Variants in NRXN3 observed in about 807,000 individuals in gnomAD.
NRXN3 encodes the protein neurexin 3.
Under a neutral mutation model 137.6 loss-of-function variants are expected in NRXN3, and 32 were observed. That is an observed-to-expected ratio of 0.23 (90% CI 0.18 to 0.31). NRXN3 has a LOEUF of 0.31. Among genes scored for constraint, NRXN3 ranks in the 10% least tolerant of loss-of-function variants. The pLI is 1.00. For missense variants in NRXN3, 1,574 were observed against 2,062.5 expected (o/e 0.76, Z 4.59); for synonymous variants, 798 against 784.5 (o/e 1.02, Z -0.29).
At chr14:78,417,227 A>G (rs909967635) in intron 4 of NRXN3, among the ~76,000 whole-genome samples, 2 of 152,182 alleles carry the variant, frequency 1.3e-5, no homozygotes, top group Non-Finnish European at 2.9e-5. Flanking sequence ...GTCCAGCTTC[A>G]TCTTGCGCCA....
At chr14:78,232,742 G>A (rs182805875) in intron 1 of NRXN3, among the ~76,000 whole-genome samples, 21 of 152,190 alleles carry the variant, frequency 1.4e-4, no homozygotes, top group Admixed American at 1.2e-3. Context: ...GTCCCAAGAG[G>A]GGAGGATCTT....
intron 15 of NRXN3, among the ~76,000 whole-genome samples, chr14:79,097,345 G>A (rs76771446): frequency 1.3e-5 from 2 of 152,132 alleles, no homozygotes; most frequent in African/African-American, 2.4e-5. Context: ...CTAAAAATGC[G>A]CTGGCTCTGT....
chr14:79,707,561 G>A (rs1035649405), intron 19 of NRXN3, among the ~76,000 whole-genome samples: 3 of 152,140 alleles, frequency 2.0e-5, no homozygotes, highest in Admixed American at 6.6e-5. Flanking sequence ...GATAATATAA[G>A]TCAAGGGCTT....
intron 4 of NRXN3, among the ~76,000 whole-genome samples, chr14:78,429,179 C>T (rs2093777172): frequency 6.6e-6 from 1 of 151,912 alleles, no homozygotes; most frequent in Non-Finnish European, 1.5e-5. Flanking sequence ...TGGGTTCAAG[C>T]AATTCTCGTG....
intron 10 of NRXN3, among the ~76,000 whole-genome samples, chr14:78,886,760 A>G (rs2099144963): frequency 6.6e-6 from 1 of 152,164 alleles, no homozygotes; most frequent in Admixed American, 6.5e-5. Flanking sequence ...GAAGTTTAAT[A>G]TCCTTCTTTG....
intron 4 of NRXN3, among the ~76,000 whole-genome samples, chr14:78,463,182 T>C (rs2094977609): frequency 6.6e-6 from 1 of 152,154 alleles, no homozygotes; most frequent in Admixed American, 6.5e-5. Context: ...CATGATTTCA[T>C]TTTTTTATGT....
intron 1 of NRXN3, among the ~76,000 whole-genome samples, chr14:78,202,484 C>A (rs1396222907): frequency 6.6e-6 from 1 of 152,126 alleles, no homozygotes; most frequent in Non-Finnish European, 1.5e-5. Context: ...CTGAAGGTCA[C>A]CTGTCAGGGC....
At chr14:79,054,735 C>T (rs936101538) in intron 15 of NRXN3, among the ~76,000 whole-genome samples, 20 of 152,218 alleles carry the variant, frequency 1.3e-4, no homozygotes, top group Admixed American at 4.6e-4. Flanking sequence ...CTTTAAGAAT[C>T]CTAGGCCAGT....
intron 15 of NRXN3, among the ~76,000 whole-genome samples, chr14:79,034,270 C>G (rs2099612521): frequency 1.3e-5 from 2 of 151,488 alleles, no homozygotes; most frequent in South Asian, 4.1e-4. Flanking sequence ...TTTAATAGTT[C>G]TCTGTTTACA....
intron 15 of NRXN3, among the ~76,000 whole-genome samples, chr14:79,102,000 T>C (rs2051400935): frequency 6.6e-6 from 1 of 152,080 alleles, no homozygotes; most frequent in Admixed American, 6.6e-5. Context: ...AGCCAAGATA[T>C]GCCAAGGATC....
At chr14:78,362,826 G>A (rs2085333843) in intron 4 of NRXN3, among the ~76,000 whole-genome samples, 1 of 152,150 alleles carries the variant, frequency 6.6e-6, no homozygotes, top group South Asian at 2.1e-4. Context: ...TTCACATGAA[G>A]GATTGTGGTA....
intron 15 of NRXN3, among the ~76,000 whole-genome samples, chr14:79,367,562 G>A (rs1302017722): frequency 6.6e-6 from 1 of 152,136 alleles, no homozygotes; most frequent in Non-Finnish European, 1.5e-5. Flanking sequence ...TCACATCAGG[G>A]AAAGGAAAAT....
intron 16 of NRXN3, among the ~76,000 whole-genome samples, chr14:79,491,895 T>A (rs78263011): frequency 0.022 from 3,407 of 152,302 alleles, 138 homozygotes; most frequent in African/African-American, 0.077. Flanking sequence ...ATTTAAAAAA[T>A]TCATTTTGAA....
intron 10 of NRXN3, among the ~76,000 whole-genome samples, chr14:78,869,337 C>T (rs937232836): frequency 7.2e-5 from 11 of 152,078 alleles, no homozygotes; most frequent in African/African-American, 2.4e-4. Flanking sequence ...CTAGTTTATT[C>T]GCTATTTCTA....
intron 17 of NRXN3, among the ~76,000 whole-genome samples, chr14:79,680,870 G>C (rs2154012663): frequency 6.6e-6 from 1 of 152,226 alleles, no homozygotes; most frequent in South Asian, 2.1e-4. Context: ...GGTCAGATAA[G>C]TAGGTCCTTG....
At chr14:79,076,590 A>C (rs1193690475) in intron 15 of NRXN3, among the ~76,000 whole-genome samples, 2 of 152,142 alleles carry the variant, frequency 1.3e-5, no homozygotes, top group African/African-American at 4.8e-5. Context: ...GGTTGGGGAG[A>C]AGGTGGAAGC....
At chr14:79,643,856 A>G (rs1054652699) in intron 16 of NRXN3, among the ~76,000 whole-genome samples, 3 of 135,410 alleles carry the variant, frequency 2.2e-5, no homozygotes, top group African/African-American at 7.4e-5. Flanking sequence ...TTTCTACTGA[A>G]ACCCTGTTGA....
intron 16 of NRXN3, among the ~76,000 whole-genome samples, chr14:79,662,575 A>G (rs2098539315): frequency 6.6e-6 from 1 of 152,206 alleles, no homozygotes; most frequent in Middle Eastern, 3.4e-3. Context: ...CCATCCTCAC[A>G]TTGCTATAAA....
intron 4 of NRXN3, among the ~76,000 whole-genome samples, chr14:78,504,124 A>G (rs1447359594): frequency 6.6e-6 from 1 of 152,084 alleles, no homozygotes; most frequent in African/African-American, 2.4e-5. Context: ...TCCTTGGTTG[A>G]TCTATTTGTA....
Sources: gnomAD v4.1 joint callset for allele counts (sites outside exome capture counted in the v4.1 genomes callset) on GRCh38, gnomAD v4.1.1 for gene constraint, MANE v1.5 for transcripts, NCBI Gene and HGNC (gene_info 2026-07-23, HGNC 2026-07-21) for gene names.